TTC28: variants seen among roughly 807,000 people sequenced by gnomAD.
TTC28 encodes tetratricopeptide repeat protein 28.
Under a neutral mutation model 198.0 loss-of-function variants are expected in TTC28, and 61 were observed. The ratio of observed to expected loss-of-function variants is 0.31; its 90% confidence interval spans 0.25 to 0.38. TTC28 has a LOEUF of 0.38. Ranked by LOEUF, TTC28 falls within the 10% of genes least tolerant of loss-of-function variation. The pLI, the probability that TTC28 is intolerant of heterozygous loss-of-function variation, is 1.00. For missense variants in TTC28, 2,678 were observed against 3,164.0 expected, an observed-to-expected ratio of 0.85 and a Z score of 3.69; for synonymous variants, 1,171 against 1,297.8, an observed-to-expected ratio of 0.90 and a Z score of 2.10.
In TTC28 at chr22:28,392,354, T is replaced by C. The variant is rs568729351; in HGVS notation, c.382-85711A>G. On this transcript the variant is annotated intron_variant, in intron 2 of 22. Transcript: ENST00000397906. Reference sequence around the variant, plus strand: ...ACAGAGGCAGGCAGGCCTCCTTGAGTTGTGGTGGGCTCCACCCAGTTCGAG... The same window carrying C: ...ACAGAGGCAGGCAGGCCTCCTTGAGCTGTGGTGGGCTCCACCCAGTTCGAG... Among the ~76,000 whole-genome samples the C allele has an allele frequency of 4.1e-3, 626 of 151,116 alleles. 6 individuals are homozygous for C. Among genetic ancestry groups the C allele is most frequent in the Middle Eastern group, 0.014 (4 of 294 alleles).
chr22:28,403,990 G>A (rs776561709), intron 2 of TTC28, among the ~76,000 whole-genome samples: 1 of 152,160 alleles, frequency 6.6e-6, no homozygotes, highest in Non-Finnish European at 1.5e-5. Context: ...ATCATCATGT[G>A]GCTTTGGCTT....
chr22:28,640,085 T>C (rs1238977266), intron 1 of TTC28, among the ~76,000 whole-genome samples: 3 of 151,990 alleles, frequency 2.0e-5, no homozygotes, highest in South Asian at 2.1e-4. Context: ...TGTGGGTAGA[T>C]TGCTTGAGCC....
chr22:28,547,535 G>A, intron 2 of TTC28, among the ~76,000 whole-genome samples: 1 of 151,950 alleles, frequency 6.6e-6, no homozygotes, highest in East Asian at 1.9e-4. Context: ...CTCATACAAA[G>A]TGTCCTAAAG....
chr22:28,188,434 A>C (rs1924405700), intron 5 of TTC28, among the ~76,000 whole-genome samples: 1 of 152,166 alleles, frequency 6.6e-6, no homozygotes, highest in Admixed American at 6.5e-5. Context: ...TGAGGCACTA[A>C]GGGCTTCTGA....
At chr22:28,304,964 T>TTTA (rs1394211502) in intron 3 of TTC28, among the ~76,000 whole-genome samples, 1 of 141,768 alleles carries the variant, frequency 7.1e-6, no homozygotes, top group East Asian at 2.0e-4. Context: ...TCAGAGTTTG[T>TTTA]TTATTTATTA....
At chr22:28,504,437 CAT>C (rs982733540) in intron 2 of TTC28, among the ~76,000 whole-genome samples, 3 of 152,064 alleles carry the variant, frequency 2.0e-5, no homozygotes, top group East Asian at 3.9e-4. Context: ...CATACACATA[CAT>C]ATGTGTGTAT....
At chr22:28,185,306 C>T (rs990799685) in intron 5 of TTC28, among the ~76,000 whole-genome samples, 7 of 152,168 alleles carry the variant, frequency 4.6e-5, no homozygotes, top group African/African-American at 1.7e-4. Context: ...CTGCTCTCCA[C>T]ACTCTTGATC....
At chr22:28,157,400 T>C (rs1943772728) in intron 6 of TTC28, among the ~76,000 whole-genome samples, 1 of 152,224 alleles carries the variant, frequency 6.6e-6, no homozygotes, top group African/African-American at 2.4e-5. Context: ...CTACTCAAAC[T>C]GTTCCAAGAA....
chr22:28,435,679 T>C lies in TTC28; in HGVS notation c.382-129036A>G, dbSNP rs192952352. Among the ~76,000 whole-genome samples the C allele has an allele frequency of 1.6e-3, 241 of 152,326 alleles. 1 individual carries two copies. The highest frequency in any genetic ancestry group is 0.014 in the Middle Eastern group (4 of 294). ...TCTTACACTGGCAATGTTTACTGGC[T>C]AGCTCCTGAATAGTAAAGGTGCCAA... is the stretch of plus-strand genomic sequence containing the variant. On this transcript the variant is annotated intron_variant, in intron 2 of 22. Coordinates refer to ENST00000397906, the MANE Select transcript of TTC28 (RefSeq NM_001145418.2).
chr22:28,156,623 G>A (rs556623302), intron 6 of TTC28, among the ~76,000 whole-genome samples: 9 of 152,320 alleles, frequency 5.9e-5, no homozygotes, highest in South Asian at 4.1e-4. Flanking sequence ...GATGTTCCAC[G>A]TGTGGGCTCA....
chr22:28,472,546 A>ATG (rs755019373), intron 2 of TTC28, among the ~76,000 whole-genome samples: 2,400 of 88,986 alleles, frequency 0.027, 23 homozygotes, highest in South Asian at 0.05. Flanking sequence ...CAAAAAGAAA[A>ATG]TGTGTATGTG....
intron 2 of TTC28, among the ~76,000 whole-genome samples, chr22:28,482,364 A>C (rs2048262571): frequency 6.6e-6 from 1 of 151,060 alleles, no homozygotes; most frequent in Non-Finnish European, 1.5e-5. Context: ...GGCGCCCTAC[A>C]CGCCCAGGTA....
At chr22:28,035,988 G>A (rs950477089) in intron 12 of TTC28, among the ~76,000 whole-genome samples, 2 of 152,118 alleles carry the variant, frequency 1.3e-5, no homozygotes, top group African/African-American at 4.8e-5. Context: ...GATTCACACA[G>A]CAAGTCCTTA....
intron 2 of TTC28, among the ~76,000 whole-genome samples, chr22:28,416,135 C>G (rs2047164770): frequency 6.6e-6 from 1 of 152,140 alleles, no homozygotes; most frequent in Non-Finnish European, 1.5e-5. Context: ...TTACACTGAA[C>G]TCTAAAAAAC....
At chr22:28,639,607 A>G (rs1013609328) in intron 1 of TTC28, among the ~76,000 whole-genome samples, 6 of 152,202 alleles carry the variant, frequency 3.9e-5, no homozygotes, top group African/African-American at 1.4e-4. Context: ...TAAGTCTCAC[A>G]AGATCTGACG....
In TTC28 at chr22:27,982,275, T is replaced by G. The variant is rs527444035; in HGVS notation, c.7392A>C (p.Gly2464=). Residue 2464 remains glycine (G), a synonymous_variant, in exon 23 of 23, where the codon GGA becomes GGC. Transcript: ENST00000397906. This position sits in a 1 kb window ranked among gnomAD's most constrained non-coding sequence, Gnocchi z 5.2. ...APARPLRLPS[G]NGYKFLSPGR... is the part of the protein sequence containing the mutation. Reference sequence around the variant, plus strand: ...CTGGAGACAGGAACTTGTAGCCATTTCCAGAAGGAAGCCTCAAAGGGCGCG... The same window carrying G: ...CTGGAGACAGGAACTTGTAGCCATTGCCAGAAGGAAGCCTCAAAGGGCGCG... 1.8e-4 allele frequency: 268 copies of G among 1,477,082 alleles called. 2 individuals are homozygous for G. The Middle Eastern group carries it at 0.01, about 56-fold the overall frequency. 91.5% of individuals were successfully genotyped at this position (1,477,082 alleles called of 1,614,324 possible). A position where few individuals can be genotyped will look rare whatever the true frequency, so the allele number is the denominator to read the frequency against.
At chr22:28,647,536 C>A (rs1321344016) in intron 1 of TTC28, among the ~76,000 whole-genome samples, 2 of 152,052 alleles carry the variant, frequency 1.3e-5, no homozygotes, top group South Asian at 2.1e-4. Context: ...AAAACACAAT[C>A]CCATCAAAAA....
At chr22:28,143,455 C>A (rs1016755984) in intron 6 of TTC28, among the ~76,000 whole-genome samples, 2 of 152,144 alleles carry the variant, frequency 1.3e-5, no homozygotes, top group African/African-American at 2.4e-5. Flanking sequence ...TCTTTCTTTT[C>A]AATTATAACA....
intron 1 of TTC28, among the ~76,000 whole-genome samples, chr22:28,637,004 G>GGTT (rs2051283897): frequency 1.0e-5 from 1 of 97,308 alleles, no homozygotes; most frequent in South Asian, 4.2e-4. Context: ...CAGGTCTTCA[G>GGTT]TTTTTTTTTT....
Sources: gnomAD v4.1 joint callset for allele counts (sites outside exome capture counted in the v4.1 genomes callset) on GRCh38, gnomAD v4.1.1 for gene constraint, Gnocchi (gnomAD v3.1) non-coding constraint, MANE v1.5 for transcripts, NCBI Gene and HGNC (gene_info 2026-07-23, HGNC 2026-07-21) for gene names.